The following COL21A1 variants were observed in gnomAD, a reference collection of about 807,000 sequenced individuals.
COL21A1 encodes the protein collagen alpha-1(XXI) chain.
In COL21A1, 149 loss-of-function variants were observed where a neutral mutation model predicts 137.9. That is an observed-to-expected ratio of 1.08 (90% CI 0.95 to 1.24). The LOEUF is 1.24. COL21A1 is among the 50% of genes most tolerant of loss of function. The pLI, the probability that COL21A1 is intolerant of heterozygous loss-of-function variation, is 0.00. For missense variants in COL21A1, 1,167 were observed against 1,158.4 expected (o/e 1.01, Z -0.11); for synonymous variants, 456 against 391.5 (o/e 1.16, Z -1.95).
intron 1 of COL21A1, among the ~76,000 whole-genome samples, chr6:56,199,539 T>C (rs1337499278): frequency 6.6e-6 from 1 of 152,120 alleles, no homozygotes; most frequent in Non-Finnish European, 1.5e-5. Context: ...AGAGGTAAAC[T>C]TGGTAATCTG....
At chr6:56,071,711 T>A (rs1177073089) in intron 20 of COL21A1, among the ~76,000 whole-genome samples, 2 of 151,632 alleles carry the variant, frequency 1.3e-5, no homozygotes, top group African/African-American at 4.8e-5. Context: ...TTCCTTAAAA[T>A]TTCTAATTTT....
intron 25 of COL21A1, 70 bp downstream of exon 25, chr6:56,061,579 T>A: frequency 1.0e-6 from 1 of 974,968 alleles, no homozygotes. Flanking sequence ...TAGATTTATA[T>A]AGTATTGAAA....
intron 1 of COL21A1, among the ~76,000 whole-genome samples, chr6:56,350,535 G>A (rs983159198): frequency 3.9e-5 from 6 of 152,104 alleles, no homozygotes; most frequent in African/African-American, 1.2e-4. Context: ...ATAAACAAAA[G>A]GTAAACTAAA....
intron 1 of COL21A1, among the ~76,000 whole-genome samples, chr6:56,311,792 A>G (rs1406111094): frequency 6.6e-6 from 1 of 152,200 alleles, no homozygotes; most frequent in Non-Finnish European, 1.5e-5. Flanking sequence ...AGGAAGGCAG[A>G]TATACATGAA....
At position 56,061,513 on chromosome 6, in the gene COL21A1, G is replaced by T. The variant is rs1765797352; in HGVS notation, c.2205+136C>A. On this transcript the variant is annotated intron_variant, in intron 25 of 29. Coordinates refer to ENST00000244728, the MANE Select transcript of COL21A1 (RefSeq NM_030820.4). ...ACATATTCTGAAAACAATTAATTGG[G>T]AACTTCTACTGAAGAAGATGAAAAA... 3 of 516,320 alleles carry T rather than the reference G, an allele frequency of 5.8e-6. No individual in the cohort carries two copies. In the East Asian group the frequency reaches 9.0e-5, roughly 16 times the overall value. The allele number at this position is 516,320 out of a possible 1,614,324, so 32.0% of individuals were successfully genotyped here. A position where few individuals can be genotyped will look rare whatever the true frequency, so the allele number is the denominator to read the frequency against.
At chr6:56,222,228 G>A (rs183160395) in intron 1 of COL21A1, among the ~76,000 whole-genome samples, 21 of 152,128 alleles carry the variant, frequency 1.4e-4, no homozygotes, top group Non-Finnish European at 2.1e-4. Context: ...AGCCGAGATC[G>A]TGCTATTGCA....
At chr6:56,134,128 C>T (rs1259778817) in intron 12 of COL21A1, among the ~76,000 whole-genome samples, 1 of 152,222 alleles carries the variant, frequency 6.6e-6, no homozygotes, top group African/African-American at 2.4e-5. Flanking sequence ...AAACCACAGA[C>T]ACTCAATGCC....
At chr6:56,259,818 A>G (rs773732162) in intron 1 of COL21A1, among the ~76,000 whole-genome samples, 12 of 152,248 alleles carry the variant, frequency 7.9e-5, no homozygotes, top group Non-Finnish European at 1.8e-4. Flanking sequence ...GCTACTTAGG[A>G]TAATTTTTAT....
chr6:56,109,018 TA>T (rs1189102136), intron 16 of COL21A1, among the ~76,000 whole-genome samples: 1 of 151,628 alleles, frequency 6.6e-6, no homozygotes, highest in Non-Finnish European at 1.5e-5. Flanking sequence ...AAATTTATTT[TA>T]AAAAAAGTTA....
intron 1 of COL21A1, among the ~76,000 whole-genome samples, chr6:56,256,850 CAGTT>C (rs954344624): frequency 1.8e-4 from 27 of 152,104 alleles, no homozygotes; most frequent in African/African-American, 6.3e-4. Flanking sequence ...ATAAATTTAT[CAGTT>C]AAAGGAGAAA....
At chr6:56,250,605 A>T (rs1185198854), upstream of COL21A1, among the ~76,000 whole-genome samples, 1 of 152,180 alleles carries the variant, frequency 6.6e-6, no homozygotes, top group Non-Finnish European at 1.5e-5. Flanking sequence ...GCCCTAGCCA[A>T]CACTTTGATT....
Position 56,125,445 on chromosome 6 carries a change from C to A in COL21A1, c.1650+122G>T, listed in dbSNP as rs540290763. On this transcript the variant is annotated intron_variant, in intron 14 of 29. Coordinates refer to ENST00000244728, the MANE Select transcript of COL21A1 (RefSeq NM_030820.4). ...TCTTTTTTCATTGTTCTGAATTAAT[C>A]CCCTAAGAAGGGTGAACAGAGCTAA... The A allele has an allele frequency of 3.6e-5, 20 of 557,854 alleles. No homozygotes were observed. In the South Asian group the frequency reaches 6.5e-4, roughly 18 times the overall value. 34.6% of individuals were successfully genotyped at this position (557,854 alleles called of 1,614,324 possible).
At chr6:56,203,927 C>T (rs2152300038) in intron 1 of COL21A1, among the ~76,000 whole-genome samples, 1 of 152,292 alleles carries the variant, frequency 6.6e-6, no homozygotes, top group African/African-American at 2.4e-5. Flanking sequence ...AGGAACGGTG[C>T]ACTCTGGCCC....
intron 1 of COL21A1, among the ~76,000 whole-genome samples, chr6:56,317,103 ACTGT>A (rs2152340691): frequency 6.6e-6 from 1 of 152,186 alleles, no homozygotes; most frequent in African/African-American, 2.4e-5. Context: ...CTCAGCTGTG[ACTGT>A]CTGCACTCAC....
intron 1 of COL21A1, among the ~76,000 whole-genome samples, chr6:56,386,757 T>C (rs2094019086): frequency 6.6e-6 from 1 of 152,178 alleles, no homozygotes; most frequent in African/African-American, 2.4e-5. Flanking sequence ...AGAAGGATTT[T>C]AAAGGAAGCA....
At chr6:56,384,958 AC>A (rs2094015088) in intron 1 of COL21A1, among the ~76,000 whole-genome samples, 1 of 152,218 alleles carries the variant, frequency 6.6e-6, no homozygotes, top group South Asian at 2.1e-4. Flanking sequence ...GGATAGAGAC[AC>A]TTCCGAGATG....
intron 20 of COL21A1, among the ~76,000 whole-genome samples, chr6:56,072,851 T>C (rs750813908): frequency 2.0e-5 from 3 of 151,578 alleles, no homozygotes; most frequent in Non-Finnish European, 3.0e-5. Context: ...TTAATATGTG[T>C]AATTTTAACT....
chr6:56,353,415 T>C (rs1765760247), intron 1 of COL21A1, among the ~76,000 whole-genome samples: 1 of 152,102 alleles, frequency 6.6e-6, no homozygotes, highest in African/African-American at 2.4e-5. Flanking sequence ...TATTTGAGTC[T>C]TCCTGGCCCA....
chr6:56,212,815 T>C (rs1309961663), intron 1 of COL21A1, among the ~76,000 whole-genome samples: 1 of 152,072 alleles, frequency 6.6e-6, no homozygotes, highest in African/African-American at 2.4e-5. Context: ...AACATGTTTA[T>C]ATAATAGTTT....
Sources: gnomAD v4.1 joint callset for allele counts (sites outside exome capture counted in the v4.1 genomes callset) on GRCh38, gnomAD v4.1.1 for gene constraint, MANE v1.5 for transcripts, NCBI Gene and HGNC (gene_info 2026-07-23, HGNC 2026-07-21) for gene names.